The following VPS45 variants were observed in gnomAD, a reference collection of about 807,000 sequenced individuals.
VPS45 encodes vacuolar protein sorting-associated protein 45.
VPS45 carries 35 observed loss-of-function variants against 75.9 expected under a neutral mutation model. That is an observed-to-expected ratio of 0.46 (90% CI 0.35 to 0.61). The LOEUF is 0.61. Ranked by LOEUF, VPS45 falls within the 20% of genes least tolerant of loss-of-function variation. VPS45 has a pLI of 0.00. For synonymous variants in VPS45, 220 were observed against 238.2 expected (o/e 0.92, Z 0.70); for missense variants, 559 against 685.9 (o/e 0.81, Z 2.07).
intron 14 of VPS45, among the ~76,000 whole-genome samples, chr1:150,129,626 C>T (rs1658710738): frequency 6.6e-6 from 1 of 151,818 alleles, no homozygotes; most frequent in Non-Finnish European, 1.5e-5. Flanking sequence ...GTGACACCAC[C>T]TCGGCTCACT....
At chr1:150,113,739 T>TA (rs773722535) in intron 14 of VPS45, among the ~76,000 whole-genome samples, 2 of 150,694 alleles carry the variant, frequency 1.3e-5, no homozygotes, top group Non-Finnish European at 3.0e-5. Flanking sequence ...CTACTAAAAA[T>TA]ACAAAAATTA....
At chr1:150,099,138 T>TA (rs2101582726) in intron 13 of VPS45, 1 of 885,330 alleles carries the variant, frequency 1.1e-6, no homozygotes, top group East Asian at 1.2e-4. Context: ...ACAAAATAGA[T>TA]AAAATGTTGC....
intron 13 of VPS45, among the ~76,000 whole-genome samples, chr1:150,108,999 A>G (rs1571877103): frequency 1.3e-5 from 2 of 152,094 alleles, no homozygotes; most frequent in East Asian, 3.9e-4. Flanking sequence ...GGTAGCTTGT[A>G]TAACTGTTTT....
chr1:150,071,701 T>C (rs879946239), intron 2 of VPS45, among the ~76,000 whole-genome samples: 4 of 151,456 alleles, frequency 2.6e-5, no homozygotes, highest in Non-Finnish European at 5.9e-5. Context: ...GACAGGAGAA[T>C]TGCTTGAACC....
chr1:150,131,715 A>T (rs1347132101), intron 14 of VPS45, among the ~76,000 whole-genome samples: 2 of 150,360 alleles, frequency 1.3e-5, no homozygotes, highest in African/African-American at 2.5e-5. Flanking sequence ...GCATGATGGC[A>T]TGCACCTGTA....
At chr1:150,098,222 T>G (rs1425558831) in intron 13 of VPS45, among the ~76,000 whole-genome samples, 1 of 152,246 alleles carries the variant, frequency 6.6e-6, no homozygotes, top group Non-Finnish European at 1.5e-5. Context: ...AGACAGTAGT[T>G]AGTTACATAT....
chr1:150,082,514 C>CAAAA lies in VPS45; in HGVS notation c.937-190_937-187dup, dbSNP rs782675159. On this transcript the variant is annotated intron_variant, in intron 9 of 14. Transcript: ENST00000644510. Reference sequence around the variant, plus strand: ...GGGCAACAAGAGCAAAACTCTGTCTCAAAAAAAAAAAAAAACTCAGTCTAC... The same window carrying CAAAA: ...GGGCAACAAGAGCAAAACTCTGTCTCAAAAAAAAAAAAAAAAAAACTCAGTCTAC... Among the ~76,000 whole-genome samples, 14 of 139,448 alleles carry CAAAA rather than the reference C, an allele frequency of 1.0e-4. 1 individual carries two copies. The highest frequency in any genetic ancestry group is 2.3e-4 in the South Asian group (1 of 4,360). 91.5% of individuals were successfully genotyped at this position (139,448 alleles called of 152,430 possible). A position where few individuals can be genotyped will look rare whatever the true frequency, so the allele number is the denominator to read the frequency against.
At chr1:150,126,755 C>T (rs190091738) in intron 14 of VPS45, among the ~76,000 whole-genome samples, 1 of 152,106 alleles carries the variant, frequency 6.6e-6, no homozygotes, top group Non-Finnish European at 1.5e-5. Flanking sequence ...CATTTGAGGC[C>T]AGGGGTTCAA....
chr1:150,092,162 G>T, intron 11 of VPS45, 67 bp downstream of exon 11: 1 of 1,545,820 alleles, frequency 6.5e-7, no homozygotes, highest in South Asian at 1.2e-5. Flanking sequence ...TAGCTCTAAC[G>T]AATGATAAAT....
Position 150,144,825 on chromosome 1 carries a change from C to T in VPS45, c.*29C>T. 3 of 1,613,842 alleles carry T rather than the reference C, an allele frequency of 1.9e-6. No homozygotes were observed. Among genetic ancestry groups the T allele is most frequent in the Non-Finnish European group, 2.5e-6 (3 of 1,179,966 alleles). On this transcript the variant is annotated 3_prime_UTR_variant, in exon 15 of 15. Coordinates refer to ENST00000644510, the MANE Select transcript of VPS45 (RefSeq NM_007259.5). ...GGTGGTTGGGGGAAGGGCACAGCTTCCTCTCTTGTCCCCACTACAGGTTTT... is the reference window on the plus strand; with the variant it reads ...GGTGGTTGGGGGAAGGGCACAGCTTTCTCTCTTGTCCCCACTACAGGTTTT...
At chr1:150,142,891 G>A (rs1432278156) in intron 14 of VPS45, 9 of 448,622 alleles carry the variant, frequency 2.0e-5, no homozygotes, top group Non-Finnish European at 2.7e-5. Flanking sequence ...GGGCTCAAGC[G>A]ATCCACCCGC....
Position 150,093,660 on chromosome 1 carries a change from A to G in VPS45, c.1493+12A>G, listed in dbSNP as rs587746538. On this transcript the variant is annotated intron_variant, in intron 13 of 14. Coordinates refer to ENST00000644510, the MANE Select transcript of VPS45 (RefSeq NM_007259.5). Reference sequence around the variant, plus strand: ...ACACTCAGAGACAGGTAAGCTAACAAAGATATTAATAATAAAAGCCAGAAA... The same window carrying G: ...ACACTCAGAGACAGGTAAGCTAACAGAGATATTAATAATAAAAGCCAGAAA... 5.6e-6 allele frequency: 9 copies of G among 1,602,104 alleles called. No homozygotes were observed. The highest frequency in any genetic ancestry group is 5.6e-5 in the South Asian group (5 of 89,378).
chr1:150,093,868 G>A (rs898358636), intron 13 of VPS45, among the ~76,000 whole-genome samples: 5 of 152,306 alleles, frequency 3.3e-5, no homozygotes, highest in Middle Eastern at 3.4e-3. Flanking sequence ...GTTTTGGAGA[G>A]CCTCAAATCC....
intron 13 of VPS45, among the ~76,000 whole-genome samples, chr1:150,101,507 G>A (rs2101588218): frequency 6.6e-6 from 1 of 150,982 alleles, no homozygotes; most frequent in East Asian, 2.0e-4. Context: ...AGGCCGAGGT[G>A]GGCGGATCAC....
chr1:150,115,514 A>G (rs977681948), intron 14 of VPS45, among the ~76,000 whole-genome samples: 1 of 152,202 alleles, frequency 6.6e-6, no homozygotes, highest in East Asian at 1.9e-4. Context: ...TATATCTGCT[A>G]ACATTAACTC....
intron 13 of VPS45, among the ~76,000 whole-genome samples, chr1:150,099,961 A>G (rs797037123): frequency 2.6e-5 from 4 of 152,164 alleles, no homozygotes; most frequent in Admixed American, 2.6e-4. Flanking sequence ...CACCACTTCT[A>G]TTCAACAGAG....
At chr1:150,075,625 T>C (rs1655332185) in intron 3 of VPS45, among the ~76,000 whole-genome samples, 1 of 152,214 alleles carries the variant, frequency 6.6e-6, no homozygotes, top group Non-Finnish European at 1.5e-5. Flanking sequence ...GCTGGAATGT[T>C]TTCACAAAGA....
At chr1:150,088,434 AATAT>A (rs200780573) in intron 10 of VPS45, among the ~76,000 whole-genome samples, 42 of 125,536 alleles carry the variant, frequency 3.3e-4, no homozygotes, top group African/African-American at 1.4e-3. Context: ...CTGAATAATA[AATAT>A]ATATATATAT....
chr1:150,127,474 G>T (rs1435202802), intron 14 of VPS45, among the ~76,000 whole-genome samples: 1 of 152,066 alleles, frequency 6.6e-6, no homozygotes, highest in African/African-American at 2.4e-5. Flanking sequence ...TTTTTCTAGA[G>T]ACAGGGTCTT....
Sources: gnomAD v4.1 joint callset for allele counts (sites outside exome capture counted in the v4.1 genomes callset) on GRCh38, gnomAD v4.1.1 for gene constraint, MANE v1.5 for transcripts, NCBI Gene and HGNC (gene_info 2026-07-23, HGNC 2026-07-21) for gene names.